PDK3: variants seen among roughly 807,000 people sequenced by gnomAD.
The protein encoded by PDK3 is pyruvate dehydrogenase kinase 3, also known as pyruvate dehydrogenase kinase, isozyme 3.
A neutral mutation model predicts 32.0 loss-of-function variants in PDK3; 12 were observed. That is an observed-to-expected ratio of 0.37 (90% CI 0.24 to 0.61). PDK3 has a LOEUF of 0.61. Ranked by LOEUF, PDK3 falls within the 20% of genes least tolerant of loss-of-function variation. The pLI is 0.65. For missense variants in PDK3, 188 were observed against 316.9 expected (o/e 0.59, Z 3.09); for synonymous variants, 122 against 116.3 (o/e 1.05, Z -0.31).
In PDK3 at chrX:24,518,837, GCA is replaced by G. The variant is rs3222401; in HGVS notation, c.596-54_596-53del. 0.23 allele frequency: 78,814 copies of G among 348,959 alleles called. 4,877 individuals carry two copies. The highest frequency in any genetic ancestry group is 0.25 in the Non-Finnish European group (49,517 of 197,173). The allele number at this position is 348,959 out of a possible 1,213,427, so 28.8% of individuals were successfully genotyped here. A position where few individuals can be genotyped will look rare whatever the true frequency, so the allele number is the denominator to read the frequency against. ...CCTATAGATATATACATGCACATGT[GCA>G]CACACACACACACACACACACACAC... On this transcript the variant is annotated intron_variant, in intron 5 of 10. Transcript: ENST00000379162.
chrX:24,496,257 T>C (rs1247185368), intron 2 of PDK3, among the ~76,000 whole-genome samples: 1 of 106,418 alleles, frequency 9.4e-6, no homozygotes, highest in Non-Finnish European at 1.9e-5. Context: ...CGTTCTACCA[T>C]TGTCATTCAG....
intron 5 of PDK3, 85 bp downstream of exon 5, chrX:24,505,383 G>A: frequency 1.5e-6 from 1 of 653,709 alleles, no homozygotes; most frequent in Non-Finnish European, 2.4e-6. Flanking sequence ...GGGTTATTTT[G>A]CAGTGCAGTC....
chrX:24,543,174 A>G (rs1922925925), exon 12 of PDK3, among the ~76,000 whole-genome samples: 1 of 112,243 alleles, frequency 8.9e-6, no homozygotes, highest in South Asian at 3.7e-4. Flanking sequence ...AGCATTAGAT[A>G]TGGTCATTTC....
chrX:24,487,750 C>T (rs1921439548), intron 1 of PDK3, among the ~76,000 whole-genome samples: 1 of 109,402 alleles, frequency 9.1e-6, no homozygotes, highest in South Asian at 4.0e-4. Flanking sequence ...TCCCAAACCA[C>T]CCCCCAACCC....
chrX:24,524,083 TTAATC>T (rs1922464390), intron 6 of PDK3, among the ~76,000 whole-genome samples: 1 of 112,175 alleles, frequency 8.9e-6, no homozygotes, highest in Non-Finnish European at 1.9e-5. Flanking sequence ...AGCCAAACCT[TTAATC>T]AAATAGATCA....
intron 1 of PDK3, among the ~76,000 whole-genome samples, chrX:24,483,240 C>T (rs956697038): frequency 2.7e-5 from 3 of 112,197 alleles, no homozygotes; most frequent in East Asian, 5.6e-4. Context: ...CCTCAGTTAA[C>T]CTCAAATATG....
At chrX:24,516,915 C>A (rs1477652429) in intron 5 of PDK3, among the ~76,000 whole-genome samples, 1 of 108,816 alleles carries the variant, frequency 9.2e-6, no homozygotes, top group African/African-American at 3.4e-5. Flanking sequence ...CCTGCCTCAA[C>A]CTCCCAAGTA....
chrX:24,476,304 A>G (rs1921112234), intron 1 of PDK3, among the ~76,000 whole-genome samples: 1 of 112,056 alleles, frequency 8.9e-6, no homozygotes, highest in African/African-American at 3.2e-5. Flanking sequence ...AAATTCCACA[A>G]ATTTCCAAAA....
intron 1 of PDK3, among the ~76,000 whole-genome samples, chrX:24,480,303 A>G (rs1181920487): frequency 8.9e-6 from 1 of 112,667 alleles, no homozygotes; most frequent in Non-Finnish European, 1.9e-5. Context: ...GTGAAAATAA[A>G]GACAACAGTA....
chrX:24,534,998 T>C (rs920631772), downstream of PDK3, among the ~76,000 whole-genome samples: 13 of 111,647 alleles, frequency 1.2e-4, no homozygotes, highest in African/African-American at 4.2e-4. Flanking sequence ...ATGTATAGCT[T>C]ATCACAATAA....
Position 24,528,163 on chromosome X carries a change from G to A in PDK3, c.940G>A (p.Glu314Lys). The A allele has an allele frequency of 8.7e-7, 1 of 1,148,055 alleles. No individual in the cohort carries two copies. Among genetic ancestry groups the A allele is most frequent in the Non-Finnish European group, 1.2e-6 (1 of 838,458 alleles). 94.6% of individuals were successfully genotyped at this position (1,148,055 alleles called of 1,213,427 possible). A position where few individuals can be genotyped will look rare whatever the true frequency, so the allele number is the denominator to read the frequency against. ...TTCTACTGCTCCTAGACCCAGCCTG[G>A]AGCCTACCAGAGCTGCCCCTTTGGT... ...MYSTAPRPSL[E>K]PTRAAPLAGF... Residue 314 changes from glutamate (E) to lysine (K), a missense_variant, in exon 9 of 11, where the codon GAG (glutamate) becomes AAG (lysine). Coordinates refer to ENST00000379162, the MANE Select transcript of PDK3 (RefSeq NM_005391.5).
At chrX:24,494,980 T>C in intron 2 of PDK3, 97 bp downstream of exon 2, 1 of 710,772 alleles carries the variant, frequency 1.4e-6, no homozygotes, top group Non-Finnish European at 2.1e-6. Context: ...ACTGCCCGTC[T>C]AGGTAGGAAT....
downstream of PDK3, among the ~76,000 whole-genome samples, chrX:24,537,500 A>C (rs987364005): frequency 3.7e-5 from 4 of 109,390 alleles, no homozygotes; most frequent in African/African-American, 1.3e-4. Flanking sequence ...TACCTTTTTT[A>C]GGCCCTTTTC....
intron 10 of PDK3, among the ~76,000 whole-genome samples, chrX:24,532,352 T>C (rs1426331383): frequency 8.9e-6 from 1 of 112,307 alleles, no homozygotes; most frequent in African/African-American, 3.2e-5. Flanking sequence ...TATTGAAAGG[T>C]CTGATCTAAA....
At chrX:24,487,748 C>T (rs955388316) in intron 1 of PDK3, among the ~76,000 whole-genome samples, 2 of 109,160 alleles carry the variant, frequency 1.8e-5, no homozygotes, top group African/African-American at 6.7e-5. Flanking sequence ...ACTCCCAAAC[C>T]ACCCCCCAAC....
At chrX:24,520,596 A>G (rs903019355) in intron 6 of PDK3, among the ~76,000 whole-genome samples, 9 of 112,324 alleles carry the variant, frequency 8.0e-5, no homozygotes. Flanking sequence ...TGGAAGAGAC[A>G]TGCTTATCAC....
At chrX:24,477,759 C>T (rs1921147301) in intron 1 of PDK3, among the ~76,000 whole-genome samples, 1 of 111,544 alleles carries the variant, frequency 9.0e-6, no homozygotes, top group African/African-American at 3.3e-5. Context: ...TTACCCTGTT[C>T]TGCTGTCAAG....
chrX:24,478,167 G>A (rs761418518), intron 1 of PDK3, among the ~76,000 whole-genome samples: 26 of 111,614 alleles, frequency 2.3e-4, no homozygotes, highest in African/African-American at 8.1e-4. Flanking sequence ...CATTGAGGCC[G>A]GGCATGGTGG....
intron 2 of PDK3, among the ~76,000 whole-genome samples, chrX:24,496,320 C>CACAT (rs55808399): frequency 2.7e-5 from 3 of 109,226 alleles, no homozygotes; most frequent in African/African-American, 1.0e-4. Context: ...CACACACACA[C>CACAT]GTGCGTGCAC....
Sources: gnomAD v4.1 joint callset for allele counts (sites outside exome capture counted in the v4.1 genomes callset) on GRCh38, gnomAD v4.1.1 for gene constraint, MANE v1.5 for transcripts, NCBI Gene and HGNC (gene_info 2026-07-23, HGNC 2026-07-21) for gene names.